The following RASA1 variants were observed in gnomAD, a reference collection of about 807,000 sequenced individuals.
RASA1 encodes ras GTPase-activating protein 1.
A neutral mutation model predicts 132.2 loss-of-function variants in RASA1; 25 were observed. The ratio of observed to expected loss-of-function variants is 0.19; its 90% CI spans 0.14 to 0.26. RASA1 has a LOEUF of 0.26. Ranked by LOEUF, RASA1 falls within the 10% of genes least tolerant of loss-of-function variation. The pLI is 1.00. For synonymous variants in RASA1, 477 were observed against 449.9 expected (o/e 1.06, Z -0.76); for missense variants, 964 against 1,299.2 (o/e 0.74, Z 3.97).
At chr5:87,329,532 A>G (rs1047860932) in intron 1 of RASA1, among the ~76,000 whole-genome samples, 3 of 152,194 alleles carry the variant, frequency 2.0e-5, no homozygotes, top group Non-Finnish European at 4.4e-5. Context: ...ATAAAGTAGT[A>G]ATTGTGTAAT....
intron 9 of RASA1, among the ~76,000 whole-genome samples, chr5:87,354,634 A>G (rs1031423712): frequency 6.6e-6 from 1 of 152,148 alleles, no homozygotes; most frequent in Non-Finnish European, 1.5e-5. Context: ...AGTGGCCTCT[A>G]AATGGTCAAG....
chr5:87,347,655 GA>G (rs1758958175), intron 7 of RASA1, among the ~76,000 whole-genome samples: 1 of 151,956 alleles, frequency 6.6e-6, no homozygotes, highest in Admixed American at 6.6e-5. Flanking sequence ...TGAAAGATTT[GA>G]GATAGTTTTT....
intron 1 of RASA1, among the ~76,000 whole-genome samples, chr5:87,270,916 C>CAG (rs1307968106): frequency 6.6e-6 from 1 of 152,040 alleles, no homozygotes; most frequent in Non-Finnish European, 1.5e-5. Flanking sequence ...CTTTGTAATG[C>CAG]AGAGTCCCTG....
At chr5:87,346,394 A>T (rs1388098931) in intron 6 of RASA1, among the ~76,000 whole-genome samples, 2 of 152,012 alleles carry the variant, frequency 1.3e-5, no homozygotes, top group Non-Finnish European at 2.9e-5. Flanking sequence ...GACCTATAAC[A>T]GTCTGTTATT....
chr5:87,371,477 G>T (rs1475213065), intron 12 of RASA1, among the ~76,000 whole-genome samples: 1 of 152,000 alleles, frequency 6.6e-6, no homozygotes, highest in Non-Finnish European at 1.5e-5. Context: ...ATAAACCTTA[G>T]TTCTCTCCTT....
chr5:87,350,308 C>G (rs1208591114), intron 8 of RASA1, among the ~76,000 whole-genome samples: 1 of 151,832 alleles, frequency 6.6e-6, no homozygotes, highest in East Asian at 1.9e-4. Context: ...TTATACATGA[C>G]AATCTGAGTT....
chr5:87,321,029 C>A (rs931939077), intron 1 of RASA1, among the ~76,000 whole-genome samples: 12 of 152,134 alleles, frequency 7.9e-5, no homozygotes, highest in African/African-American at 2.9e-4. Flanking sequence ...AATGATTAAG[C>A]CTGTGGTTTA....
At chr5:87,328,171 T>C (rs1313778989) in intron 1 of RASA1, among the ~76,000 whole-genome samples, 3 of 152,242 alleles carry the variant, frequency 2.0e-5, no homozygotes, top group Non-Finnish European at 4.4e-5. Flanking sequence ...TATTCTGTGT[T>C]ATAATTGCCA....
chr5:87,386,558 A>C (rs1360719798), intron 22 of RASA1, among the ~76,000 whole-genome samples: 7 of 152,058 alleles, frequency 4.6e-5, no homozygotes, highest in Non-Finnish European at 1.0e-4. Context: ...TTTCATTAAA[A>C]ATACCCATAC....
intron 1 of RASA1, among the ~76,000 whole-genome samples, chr5:87,290,290 A>G (rs1754858388): frequency 6.6e-6 from 1 of 152,222 alleles, no homozygotes; most frequent in Non-Finnish European, 1.5e-5. Flanking sequence ...AATGGTGAAT[A>G]CTTCTAGATA....
intron 1 of RASA1, among the ~76,000 whole-genome samples, chr5:87,280,629 G>A (rs1754275283): frequency 6.6e-6 from 1 of 152,114 alleles, no homozygotes; most frequent in Admixed American, 6.6e-5. Flanking sequence ...ATCTTTTCAT[G>A]TGCTTTTTCC....
chr5:87,377,066 T>TA (rs777329893), intron 17 of RASA1, 26 bp downstream of exon 17: 1 of 1,601,016 alleles, frequency 6.2e-7, no homozygotes. Flanking sequence ...GTTAGTGTGA[T>TA]ACAAGAAACT....
chr5:87,377,168 C>T (rs1292634830), intron 17 of RASA1, 128 bp downstream of exon 17: 1 of 1,278,450 alleles, frequency 7.8e-7, no homozygotes, highest in Non-Finnish European at 1.1e-6. Context: ...TTCTGTTTTC[C>T]CTCCTTAAAA....
rs771876569 is a variant in RASA1 at position 87,267,940 on chromosome 5, C to G, written c.-512C>G. On this transcript the variant is annotated 5_prime_UTR_variant, in exon 1 of 25. Transcript: ENST00000274376. ...AGTCGATTTCCTCGTTACCCCGCCC[C>G]CCTTTCTCTTGCCCCCCCACCCCTC... is the stretch of plus-strand genomic sequence containing the variant. 5.1e-5 allele frequency: 20 copies of G among 391,696 alleles called. No individual in the cohort carries two copies. The highest frequency in any genetic ancestry group is 2.7e-4 in the South Asian group (2 of 7,326). 24.3% of individuals were successfully genotyped at this position (391,696 alleles called of 1,614,324 possible).
intron 1 of RASA1, among the ~76,000 whole-genome samples, chr5:87,297,690 A>C (rs963003225): frequency 6.6e-6 from 1 of 152,208 alleles, no homozygotes; most frequent in Admixed American, 6.5e-5. Context: ...GGCGTATTTC[A>C]AAATTGTTCT....
At position 87,363,349 on chromosome 5, in the gene RASA1, C is replaced by G. The variant is rs200610401; in HGVS notation, c.1455C>G (p.Gly485=). The change falls in exon 11 of 25, where the codon GGC becomes GGG. Residue 485 remains glycine, a splice_region_variant and synonymous_variant. Transcript: ENST00000274376. ...AAAACAATTTTTTTTTTTAAACAGG[C>G]AAAGGAAAACGTTGGAAAAATTTAT... ...IVKKGYLLKK[G]KGKRWKNLYF... is the part of the protein sequence containing the mutation. 5.0e-6 allele frequency: 8 copies of G among 1,604,366 alleles called. No homozygotes were observed. The highest frequency in any genetic ancestry group is 6.8e-6 in the Non-Finnish European group (8 of 1,173,174).
chr5:87,287,792 T>TATATATACC (rs1561257578), intron 1 of RASA1, among the ~76,000 whole-genome samples: 2,982 of 87,024 alleles, frequency 0.034, 631 homozygotes, highest in Non-Finnish European at 0.04. Flanking sequence ...GTACACGCCA[T>TATATATACC]ATATATACAC....
chr5:87,310,480 A>G (rs554886117), intron 1 of RASA1, among the ~76,000 whole-genome samples: 9 of 152,320 alleles, frequency 5.9e-5, no homozygotes, highest in African/African-American at 1.2e-4. Context: ...CTTGAAAACA[A>G]TGGCCACCAA....
At chr5:87,290,639 C>T (rs1371315738) in intron 1 of RASA1, among the ~76,000 whole-genome samples, 1 of 152,132 alleles carries the variant, frequency 6.6e-6, no homozygotes, top group Admixed American at 6.5e-5. Flanking sequence ...TTTATTTTGT[C>T]TGTTCATTCT....
Sources: gnomAD v4.1 joint callset for allele counts (sites outside exome capture counted in the v4.1 genomes callset) on GRCh38, gnomAD v4.1.1 for gene constraint, MANE v1.5 for transcripts, NCBI Gene and HGNC (gene_info 2026-07-23, HGNC 2026-07-21) for gene names.